NCOA4: variants seen among roughly 807,000 people sequenced by gnomAD.
NCOA4 encodes the protein nuclear receptor coactivator 4.
In NCOA4, 31 loss-of-function variants were observed where a neutral mutation model predicts 69.5. That is an observed-to-expected ratio of 0.45 (90% CI 0.34 to 0.60). The LOEUF is 0.60. Ranked by LOEUF, NCOA4 falls within the 20% of genes least tolerant of loss-of-function variation. The probability of loss-of-function intolerance (pLI) is 0.02; values close to 1 mark genes in which losing one functional copy is unlikely to be tolerated. For missense variants in NCOA4, 600 were observed against 719.2 expected (o/e 0.83, Z 1.90); for synonymous variants, 228 against 252.4 (o/e 0.90, Z 0.92).
chr10:46,010,251 T>TC lies in NCOA4; in HGVS notation c.1669dup (p.Asp557GlyfsTer15). 2 of 1,610,412 alleles carry TC rather than the reference T, an allele frequency of 1.2e-6. No homozygotes were observed. The highest frequency in any genetic ancestry group is 1.7e-6 in the Non-Finnish European group (2 of 1,178,854). On this transcript the variant is annotated frameshift_variant, in exon 8 of 10. Transcript: ENST00000581486. LOFTEE classifies it high-confidence loss of function. ...GGCCTTCTTTCGAAGCAGCCACTTG[T>TC]CTTCTCCAGAAGATAACTGGCTGAG...
chr10:46,013,091 A>T, intron 6 of NCOA4, 65 bp from the exon 7 acceptor site: 5 of 1,514,512 alleles, frequency 3.3e-6, no homozygotes, highest in Non-Finnish European at 4.6e-6. Flanking sequence ...GAGAAGAGCC[A>T]CTCTCTAATC....
intron 1 of NCOA4, chr10:46,019,231 T>C (rs1253570413): frequency 6.8e-6 from 5 of 736,692 alleles, no homozygotes; most frequent in Non-Finnish European, 6.6e-6. Context: ...AGTGGTTACT[T>C]TGCAGCCTCC....
At chr10:46,025,670 C>T (rs10740051) in intron 1 of NCOA4, among the ~76,000 whole-genome samples, 37,592 of 152,164 alleles carry the variant, frequency 0.25, 5,515 homozygotes, top group South Asian at 0.52. Flanking sequence ...TTTCAAGTCA[C>T]CATCACTAAC....
At position 46,011,227 on chromosome 10, in the gene NCOA4, A is replaced by G. The variant is rs1036871735; in HGVS notation, c.715-21T>C. The stretch of plus-strand genomic sequence containing the variant: ...GAAGTCTACACAAAAAGTACACAGT[A>G]TTAGTTTGCCAGAACAATTATGACT... On this transcript the variant is annotated intron_variant, in intron 7 of 9. Coordinates refer to ENST00000581486, the MANE Select transcript of NCOA4 (RefSeq NM_001145263.2). 7 of 1,553,592 alleles carry G rather than the reference A, an allele frequency of 4.5e-6. No individual in the cohort carries two copies. The Admixed American group carries it at 1.5e-4, about 33-fold the overall frequency.
At chr10:46,023,395 G>A (rs781889011) in intron 1 of NCOA4, 94 of 985,580 alleles carry the variant, frequency 9.5e-5, no homozygotes, top group Non-Finnish European at 1.1e-4. Flanking sequence ...CCCCTGACCC[G>A]AGTGCGAAAG....
intron 1 of NCOA4, among the ~76,000 whole-genome samples, chr10:46,019,737 T>C (rs374211028): frequency 4.6e-5 from 7 of 152,254 alleles, no homozygotes; most frequent in Non-Finnish European, 7.3e-5. Context: ...TTATCAGCTA[T>C]AGACAGAATG....
At chr10:46,015,513 C>G (rs1347790598) in intron 2 of NCOA4, among the ~76,000 whole-genome samples, 1 of 152,104 alleles carries the variant, frequency 6.6e-6, no homozygotes, top group South Asian at 2.1e-4. Flanking sequence ...CCTATGGACC[C>G]CAATTTAAGA....
chr10:46,012,130 T>C (rs1554921841), intron 7 of NCOA4, among the ~76,000 whole-genome samples: 1 of 120,994 alleles, frequency 8.3e-6, no homozygotes, highest in Admixed American at 8.1e-5. Flanking sequence ...TCAACCTCCT[T>C]ACTAATGGAA....
At chr10:46,022,547 A>T in intron 1 of NCOA4, 1 of 427,408 alleles carries the variant, frequency 2.3e-6, no homozygotes, top group Non-Finnish European at 4.7e-6. Flanking sequence ...TGCAAGCTCC[A>T]CCTCCCGGCT....
At position 46,010,831 on chromosome 10, in the gene NCOA4, C is replaced by T; in HGVS notation, c.1090G>A (p.Gly364Ser). The T allele has an allele frequency of 6.2e-7, 1 of 1,613,934 alleles. No homozygotes were observed. Among genetic ancestry groups the T allele is most frequent in the Non-Finnish European group, 8.5e-7 (1 of 1,179,872 alleles). ...QPKGVEIENL[G>S]NLKCLNDHLE... ...TGGTCATTCAGGCACTTCAGATTGC[C>T]CAGGTTTTCAATCTCCACACCTTTG... The change falls in exon 8 of 10, where the codon GGC (glycine) becomes AGC (serine). Residue 364 changes from glycine to serine, a missense_variant. By Grantham distance (56) the Gly-to-Ser change is moderately conservative (BLOSUM62 0). Coordinates refer to ENST00000581486, the MANE Select transcript of NCOA4 (RefSeq NM_001145263.2).
intron 1 of NCOA4, among the ~76,000 whole-genome samples, chr10:46,022,102 GA>G (rs1356224664): frequency 1.3e-5 from 2 of 152,128 alleles, no homozygotes; most frequent in African/African-American, 4.8e-5. Flanking sequence ...TCGTCTGTAA[GA>G]ATGAAAGCTC....
rs1444243291 is a variant in NCOA4 at position 46,027,502 on chromosome 10, A to G, written c.-15+3024T>C. ...CCTCCACATTGTTCATGTGCGTTCT[A>G]TGTTGAAGCAATGTGTCCAGACATA... On this transcript the variant is annotated intron_variant, in intron 1 of 9. Transcript: ENST00000581486. 16 of 1,548,416 alleles carry G rather than the reference A, an allele frequency of 1.0e-5. No individual in the cohort carries two copies. In the East Asian group the frequency reaches 2.0e-4, roughly 19 times the overall value.
At chr10:46,008,643 G>T (rs1181861834) in intron 9 of NCOA4, among the ~76,000 whole-genome samples, 1 of 152,204 alleles carries the variant, frequency 6.6e-6, no homozygotes, top group African/African-American at 2.4e-5. Flanking sequence ...GACAACAAAG[G>T]ATTTAGAATA....
chr10:46,024,374 T>G (rs553408652), intron 1 of NCOA4, among the ~76,000 whole-genome samples: 15 of 152,336 alleles, frequency 9.8e-5, no homozygotes, highest in African/African-American at 3.6e-4. Flanking sequence ...AAATGGCTGA[T>G]CACAATGTAA....
chr10:46,014,310 C>T (rs1403722569), intron 5 of NCOA4, 134 bp downstream of exon 5: 1 of 670,974 alleles, frequency 1.5e-6, no homozygotes, highest in Non-Finnish European at 2.6e-6. Flanking sequence ...AGCCACCACG[C>T]CCAGCTGAGA....
At chr10:46,009,125 T>C in intron 9 of NCOA4, 1 of 1,539,168 alleles carries the variant, frequency 6.5e-7, no homozygotes, top group South Asian at 1.2e-5. Flanking sequence ...CAAACCCACC[T>C]TCGAGGTAGG....
In NCOA4 at chr10:46,011,109, T is replaced by G. The variant is rs1554921390; in HGVS notation, c.812A>C (p.Lys271Thr). Residue 271 changes from lysine to threonine, a missense_variant, in exon 8 of 10, where the codon AAG (lysine) becomes ACG (threonine). Coordinates refer to ENST00000581486, the MANE Select transcript of NCOA4 (RefSeq NM_001145263.2). ...ACTAGTAGTGGAATGGCTGTTACACTTTTGATAACTTGATTTTTCACTCTT... is the reference window on the plus strand; with the variant it reads ...ACTAGTAGTGGAATGGCTGTTACACGTTTGATAACTTGATTTTTCACTCTT... ...LLKSEKSSYQKCNSHSTTSSF... is the reference protein window; with the variant it reads ...LLKSEKSSYQTCNSHSTTSSF... The G allele has an allele frequency of 3.7e-6, 6 of 1,613,878 alleles. No individual in the cohort carries two copies. The South Asian group carries it at 6.6e-5, about 18-fold the overall frequency.
At position 46,010,122 on chromosome 10, in the gene NCOA4, C is replaced by T. The variant is rs1480954908; in HGVS notation, c.1698+101G>A. The T allele has an allele frequency of 4.3e-6, 6 of 1,399,220 alleles. No homozygotes were observed. In the East Asian group the frequency reaches 7.3e-5, roughly 17 times the overall value. 86.7% of individuals were successfully genotyped at this position (1,399,220 alleles called of 1,614,324 possible). A position where few individuals can be genotyped will look rare whatever the true frequency, so the allele number is the denominator to read the frequency against. ...AGGGGAGGTTGCAATGAGCTGAGAT[C>T]GCACCACTGCACTCCAGCCTGAGTG... On this transcript the variant is annotated intron_variant, in intron 8 of 9. Transcript: ENST00000581486.
At chr10:46,024,581 T>G (rs1402653383) in intron 1 of NCOA4, among the ~76,000 whole-genome samples, 2 of 152,240 alleles carry the variant, frequency 1.3e-5, no homozygotes, top group Non-Finnish European at 2.9e-5. Context: ...TGATGTGATT[T>G]ATTAAATATT....
Sources: gnomAD v4.1 joint callset for allele counts (sites outside exome capture counted in the v4.1 genomes callset) on GRCh38, gnomAD v4.1.1 for gene constraint, MANE v1.5 for transcripts, NCBI Gene and HGNC (gene_info 2026-07-23, HGNC 2026-07-21) for gene names.